The following COL20A1 variants were observed in gnomAD, a reference collection of about 807,000 sequenced individuals.
COL20A1 encodes the protein collagen type XX alpha 1 chain.
In COL20A1, 164 loss-of-function variants were observed where a neutral mutation model predicts 152.9. The observed-to-expected ratio is 1.07, with a 90% CI of 0.94 to 1.22. The LOEUF (loss-of-function observed/expected upper bound fraction) is 1.22. COL20A1 is among the 50% of genes most tolerant of loss of function. The probability of loss-of-function intolerance (pLI) is 0.00; values close to 1 mark genes in which losing one functional copy is unlikely to be tolerated. For synonymous variants in COL20A1, 864 were observed against 756.0 expected (o/e 1.14, Z -2.34); for missense variants, 1,873 against 1,744.8 (o/e 1.07, Z -1.31).
intron 35 of COL20A1, among the ~76,000 whole-genome samples, 167 bp downstream of exon 35, chr20:63,329,828 A>G (rs974095846): frequency 6.6e-6 from 1 of 152,112 alleles, no homozygotes. Context: ...AGGGTCAACT[A>G]TGGACCCCGT....
At chr20:63,299,208 C>T (rs1300844015) in intron 3 of COL20A1, among the ~76,000 whole-genome samples, 2 of 152,118 alleles carry the variant, frequency 1.3e-5, no homozygotes, top group Admixed American at 6.5e-5. Flanking sequence ...AGGGATCCCG[C>T]GTGTGTTTCT....
rs1181565319 is a variant in COL20A1 at position 63,329,656 on chromosome 20, T to C, written c.3853T>C (p.Ter1285ArgextTer66). ...GGCTAGCACCCAGGGCCTCTGGGAG[T>C]GACAGGTGAGCCCCTGCTGCCTGCA... is the stretch of plus-strand genomic sequence containing the variant. ...QGASTQGLWE* is the reference protein window; with the variant it reads ...QGASTQGLWER The change falls in exon 35 of 36, where the codon TGA (stop) becomes CGA (arginine). Residue 1285 changes from the stop codon to arginine (R), a stop_lost. Transcript: ENST00000358894. 6.3e-7 allele frequency: 1 copy of C among 1,586,972 alleles called. No individual in the cohort carries two copies. Among genetic ancestry groups the C allele is most frequent in the East Asian group, 2.3e-5 (1 of 44,034 alleles).
chr20:63,327,597 C>A, intron 31 of COL20A1: 1 of 281,318 alleles, frequency 3.6e-6, no homozygotes, highest in Non-Finnish European at 6.8e-6. Context: ...CAGGGAAGTG[C>A]CAGCACAGGC....
In COL20A1 at chr20:63,296,464, A is replaced by G. The variant is rs1230777767; in HGVS notation, c.82+1275A>G. Among the ~76,000 whole-genome samples, 3 of 152,250 alleles carry G rather than the reference A, an allele frequency of 2.0e-5. No homozygotes were observed. The East Asian group carries it at 5.8e-4, about 29-fold the overall frequency. ...GGGCTGGGGGCACTGAGTCCAGCCC[A>G]GGACGGGTGGGAGCCCACACGCTGG... On this transcript the variant is annotated intron_variant, in intron 2 of 35. Transcript: ENST00000358894.
chr20:63,310,407 C>T lies in COL20A1; in HGVS notation c.1290C>T (p.Ser430=). 6.2e-7 allele frequency: 1 copy of T among 1,610,896 alleles called. No individual in the cohort carries two copies. The highest frequency in any genetic ancestry group is 1.7e-4 in the Middle Eastern group (1 of 6,050). Residue 430 remains serine, a synonymous_variant, in exon 11 of 36, where the codon TCC becomes TCT. Coordinates refer to ENST00000358894, the MANE Select transcript of COL20A1 (RefSeq NM_020882.4). ...TGGTGGTGGAGGGACCCGCCGCCTC[C>T]ACGGAGCTGCACAACCTGGCCTCCC... ...REVVVEGPAA[S]TELHNLASRT... is the part of the protein sequence containing the mutation.
In COL20A1 at chr20:63,319,731, G is replaced by T. The variant is rs1027403134; in HGVS notation, c.2916+135G>T. The T allele has an allele frequency of 9.4e-6, 6 of 640,188 alleles. No homozygotes were observed. The South Asian group carries it at 1.1e-4, about 12-fold the overall frequency. The allele number at this position is 640,188 out of a possible 1,614,324, so 39.7% of individuals were successfully genotyped here. A position where few individuals can be genotyped will look rare whatever the true frequency, so the allele number is the denominator to read the frequency against. On this transcript the variant is annotated intron_variant, in intron 23 of 35. Coordinates refer to ENST00000358894, the MANE Select transcript of COL20A1 (RefSeq NM_020882.4). This position sits in a 1 kb window ranked among gnomAD's most constrained non-coding sequence, Gnocchi z 4.4. ...CCTTGGGAGGGAACATTGACCTGGG[G>T]CTCTGTTCCTCTACCCCAGCTCTTC...
At position 63,325,435 on chromosome 20, in the gene COL20A1, C is replaced by A. The variant is rs527626212; in HGVS notation, c.3295-6C>A. On this transcript the variant is annotated splice_region_variant and splice_polypyrimidine_tract_variant and intron_variant, in intron 27 of 35. Coordinates refer to ENST00000358894, the MANE Select transcript of COL20A1 (RefSeq NM_020882.4). ...CTTCGCTGTCCAGCCCATCTTCCCC[C>A]TCCAGGGTCCACCAGGGGTCAAAGG... The A allele has an allele frequency of 2.5e-6, 4 of 1,611,642 alleles. No individual in the cohort carries two copies. The highest frequency in any genetic ancestry group is 3.4e-6 in the Non-Finnish European group (4 of 1,178,418).
rs369267616 is a variant in COL20A1 at position 63,306,452 on chromosome 20, G to A, written c.496+413G>A. On this transcript the variant is annotated intron_variant, in intron 5 of 35. Coordinates refer to ENST00000358894, the MANE Select transcript of COL20A1 (RefSeq NM_020882.4). The surrounding 1 kb of genome is among the most constrained non-coding windows in gnomAD (Gnocchi z 6.9). ...ACTCAAGCCAGGCCACTGGGAGCAG[G>A]TGGTCCCACTACCTCTGACCCCTTT... Among the ~76,000 whole-genome samples, 1 of 152,266 alleles carries A rather than the reference G, an allele frequency of 6.6e-6. No homozygotes were observed. Among genetic ancestry groups the A allele is most frequent in the African/African-American group, 2.4e-5 (1 of 41,470 alleles).
At chr20:63,309,984 G>A in intron 10 of COL20A1, 69 bp downstream of exon 10, 1 of 1,380,240 alleles carries the variant, frequency 7.2e-7, no homozygotes. Context: ...TAAGCCAAAG[G>A]GAGGGCAGGA....
intron 1 of COL20A1, among the ~76,000 whole-genome samples, chr20:63,294,724 C>G (rs2067764723): frequency 6.6e-6 from 1 of 152,212 alleles, no homozygotes; most frequent in African/African-American, 2.4e-5. Context: ...CCTCAGCCCT[C>G]CGTGGCCCTC....
rs1454713605 is a variant in COL20A1 at position 63,319,165 on chromosome 20, A to G, written c.2771A>G (p.Glu924Gly). The change falls in exon 22 of 36, where the codon GAG (glutamate) becomes GGG (glycine). Residue 924 changes from glutamate to glycine, a missense_variant. By Grantham distance (98) the Glu-to-Gly change is moderately conservative. Coordinates refer to ENST00000358894, the MANE Select transcript of COL20A1 (RefSeq NM_020882.4). This position sits in a 1 kb window ranked among gnomAD's most constrained non-coding sequence, Gnocchi z 4.4. ...TTCGCGCTGTGGCAGATGACAGCCG[A>G]GGACTTCCAGCCCCTCCTTGGGGTT... ...EAFALWQMTA[E>G]DFQPLLGVLL... The G allele has an allele frequency of 6.2e-7, 1 of 1,612,516 alleles. No individual in the cohort carries two copies. Among genetic ancestry groups the G allele is most frequent in the East Asian group, 2.2e-5 (1 of 44,796 alleles).
Position 63,311,448 on chromosome 20 carries a change from T to A in COL20A1, c.1448T>A (p.Val483Asp), listed in dbSNP as rs1209467595. ...LTLAAVTPRT[V>D]HLTWQPSAGA... is the part of the protein sequence containing the mutation. ...CTGGCCGCAGTGACGCCCAGAACCG[T>A]CCACCTCACCTGGCAGCCCTCGGCC... Residue 483 changes from valine to aspartate, a missense_variant, in exon 12 of 36, where the codon GTC (valine) becomes GAC (aspartate). By Grantham distance (152) the Val-to-Asp change is radical. Transcript: ENST00000358894. This position sits in a 1 kb window ranked among gnomAD's most constrained non-coding sequence, Gnocchi z 4.4. The A allele has an allele frequency of 6.4e-7, 1 of 1,574,414 alleles. No individual in the cohort carries two copies. The highest frequency in any genetic ancestry group is 8.6e-7 in the Non-Finnish European group (1 of 1,160,678).
chr20:63,315,326 T>G, intron 19 of COL20A1, 78 bp from the exon 20 acceptor site: 1 of 1,359,914 alleles, frequency 7.4e-7, no homozygotes. Context: ...GTCCATGAAG[T>G]GGCCCCTCCC....
At position 63,334,467 on chromosome 20, in the gene COL20A1, TAC is replaced by T. The variant is rs1235094258; in HGVS notation, c.*3753_*3754del. On this transcript the variant is annotated 3_prime_UTR_variant, in exon 36 of 36. Coordinates refer to ENST00000358894, the MANE Select transcript of COL20A1 (RefSeq NM_020882.4). The stretch of plus-strand genomic sequence containing the variant: ...TCTTGCTCTGTCACCCAGGCTGGAG[TAC>T]AGTGGCATGATCTCGGCTCAATGCA... The T allele has an allele frequency of 6.6e-6, 1 of 152,234 alleles. No individual in the cohort carries two copies. The highest frequency in any genetic ancestry group is 1.5e-5 in the Non-Finnish European group (1 of 68,070). The allele number at this position is 152,234 out of a possible 1,614,324, so 9.4% of individuals were successfully genotyped here.
At chr20:63,326,552 T>C (rs1601442311) in intron 30 of COL20A1, among the ~76,000 whole-genome samples, 200 bp from the exon 31 acceptor site, 1 of 151,908 alleles carries the variant, frequency 6.6e-6, no homozygotes, top group Non-Finnish European at 1.5e-5. Context: ...GGAGGAGGGG[T>C]GCAGGGCATG....
intron 14 of COL20A1, 139 bp downstream of exon 14, chr20:63,312,194 TG>T: frequency 1.7e-6 from 2 of 1,156,930 alleles, no homozygotes; most frequent in Non-Finnish European, 2.4e-6. Context: ...GCACCTGGTG[TG>T]GGGGCAGATG....
rs6011749 is a variant in COL20A1, at chr20:63,333,845, C to T, written c.*3129C>T. 0.047 allele frequency: 7,127 copies of T among 152,318 alleles called. 562 individuals are homozygous for T. Among genetic ancestry groups the T allele is most frequent in the African/African-American group, 0.16 (6,692 of 41,478 alleles). The allele number at this position is 152,318 out of a possible 1,614,324, so 9.4% of individuals were successfully genotyped here. ...CCCGATGCCATCTGCACCTGGGGGG[C>T]GACGTATGGCTGCCAGCCTCTTCAT... On this transcript the variant is annotated 3_prime_UTR_variant, in exon 36 of 36. Coordinates refer to ENST00000358894, the MANE Select transcript of COL20A1 (RefSeq NM_020882.4).
chr20:63,322,711 A>G (rs575201261), intron 27 of COL20A1, among the ~76,000 whole-genome samples: 20 of 152,218 alleles, frequency 1.3e-4, no homozygotes, highest in African/African-American at 4.3e-4. Flanking sequence ...TACCTAAACC[A>G]CGGTACTGCA....
rs750463305 is a variant in COL20A1 at position 63,310,459 on chromosome 20, C to T, written c.1342C>T (p.Pro448Ser). 4 of 1,609,214 alleles carry T rather than the reference C, an allele frequency of 2.5e-6. No homozygotes were observed. Among genetic ancestry groups the T allele is most frequent in the Non-Finnish European group, 3.4e-6 (4 of 1,178,512 alleles). The stretch of plus-strand genomic sequence containing the variant: ...CACAGAGTACCTGGTCTCCGTGTTC[C>T]CCATCTATGAGGGCGGGGTTGGCGA... ...SRTEYLVSVF[P>S]IYEGGVGEGL... Residue 448 changes from proline (P) to serine (S), a missense_variant, in exon 11 of 36, where the codon CCC becomes TCC. Physicochemically the swap from Pro to Ser is moderately conservative, Grantham distance 74. Transcript: ENST00000358894.
Sources: allele counts gnomAD v4.1 joint callset (sites outside exome capture counted in the v4.1 genomes callset), GRCh38; gene constraint gnomAD v4.1.1; non-coding constraint Gnocchi (gnomAD v3.1); transcripts MANE v1.5; gene names NCBI Gene and HGNC (gene_info 2026-07-23, HGNC 2026-07-21).